The following RBFOX1 variants were observed in gnomAD, a reference collection of about 807,000 sequenced individuals.
RBFOX1 encodes the protein RNA binding protein fox-1 homolog 1.
RBFOX1 carries 8 observed loss-of-function variants against 57.7 expected under a neutral mutation model. That is an observed-to-expected ratio of 0.14 (90% confidence interval 0.08 to 0.25). The LOEUF is 0.25. RBFOX1 is among the 10% of genes least tolerant of loss of function. The probability of loss-of-function intolerance (pLI) is 1.00; values close to 1 mark genes in which losing one functional copy is unlikely to be tolerated. For synonymous variants in RBFOX1, 326 were observed against 222.4 expected (o/e 1.47, Z -4.15); for missense variants, 611 against 548.5 (o/e 1.11, Z -1.14).
intron 3 of RBFOX1, among the ~76,000 whole-genome samples, chr16:6,772,063 A>G (rs77673408): frequency 6.6e-6 from 1 of 152,254 alleles, no homozygotes; most frequent in Non-Finnish European, 1.5e-5. Flanking sequence ...GAGGTGCTGT[A>G]TGATTTCTGT....
At chr16:6,785,389 G>C (rs11864396) in intron 3 of RBFOX1, among the ~76,000 whole-genome samples, 16,792 of 152,170 alleles carry the variant, frequency 0.11, 1,050 homozygotes, top group African/African-American at 0.16. Flanking sequence ...TGGAGTTATT[G>C]TTGCTAAGGA....
Position 7,704,198 on chromosome 16 carries a change from G to C in RBFOX1, c.996-4858G>C, listed in dbSNP as rs183937331. Among the ~76,000 whole-genome samples, 4 of 152,196 alleles carry C rather than the reference G, an allele frequency of 2.6e-5. No individual in the cohort carries two copies. The East Asian group carries it at 7.7e-4, about 29-fold the overall frequency. ...CCAAGTCCTGAATCTCCAAGCCCTC[G>C]GGTTGCTTCCCAGTTTTAACTTGTT... On this transcript the variant is annotated intron_variant, in intron 14 of 15. Coordinates refer to ENST00000550418, the MANE Select transcript of RBFOX1 (RefSeq NM_018723.4).
chr16:7,521,827 A>G (rs1231523841), intron 5 of RBFOX1, among the ~76,000 whole-genome samples: 9 of 152,218 alleles, frequency 5.9e-5, no homozygotes, highest in Non-Finnish European at 1.2e-4. Context: ...TACAATAAAA[A>G]GTCCAGGCGG....
chr16:5,601,125 C>T (rs939964635), downstream of RBFOX1: 2 of 152,216 alleles, frequency 1.3e-5, no homozygotes, highest in East Asian at 1.9e-4. Flanking sequence ...GTGACAGTTA[C>T]ACTGAACTTA....
chr16:5,862,539 C>T (rs114069028), intron 3 of RBFOX1, among the ~76,000 whole-genome samples: 256 of 152,310 alleles, frequency 1.7e-3, no homozygotes, highest in African/African-American at 6.1e-3. Flanking sequence ...AGCAGACAGT[C>T]ACCCACTGCG....
chr16:6,954,683 C>T (rs911698633), intron 3 of RBFOX1, among the ~76,000 whole-genome samples: 1 of 152,014 alleles, frequency 6.6e-6, no homozygotes, highest in Non-Finnish European at 1.5e-5. Flanking sequence ...CATTTAGGGG[C>T]TCTCTTAAGT....
chr16:5,740,684 C>A (rs1294878054), intron 3 of RBFOX1, among the ~76,000 whole-genome samples: 2 of 152,188 alleles, frequency 1.3e-5, no homozygotes, highest in Non-Finnish European at 2.9e-5. Flanking sequence ...CTTGACTCTA[C>A]TTCCCATATC....
intron 1 of RBFOX1, among the ~76,000 whole-genome samples, chr16:6,255,802 A>C (rs1214554105): frequency 6.6e-6 from 1 of 152,072 alleles, no homozygotes; most frequent in Non-Finnish European, 1.5e-5. Context: ...CAAAAAACGA[A>C]ACACCGCATG....
intron 3 of RBFOX1, among the ~76,000 whole-genome samples, chr16:5,801,342 T>TC (rs1165542240): frequency 1.5e-3 from 62 of 40,890 alleles, no homozygotes; most frequent in Non-Finnish European, 2.6e-3. Context: ...TCCCTCTCTC[T>TC]TTTTTTTTTT....
At chr16:6,121,454 C>G (rs2096548606) in intron 1 of RBFOX1, among the ~76,000 whole-genome samples, 2 of 152,214 alleles carry the variant, frequency 1.3e-5, no homozygotes, top group South Asian at 2.1e-4. Context: ...ACCTGCTTCT[C>G]TTCATCTCAG....
At chr16:6,678,253 T>G (rs185915913) in intron 3 of RBFOX1, among the ~76,000 whole-genome samples, 7 of 152,270 alleles carry the variant, frequency 4.6e-5, no homozygotes, top group Non-Finnish European at 8.8e-5. Context: ...TCCTCTCAGG[T>G]AGCTGGGACT....
chr16:7,382,167 G>A (rs1336750791), intron 4 of RBFOX1, among the ~76,000 whole-genome samples: 6 of 152,108 alleles, frequency 3.9e-5, no homozygotes, highest in Non-Finnish European at 8.8e-5. Flanking sequence ...AGTGACAAAA[G>A]CCAATATATC....
At chr16:6,882,037 T>C (rs2063047111) in intron 3 of RBFOX1, among the ~76,000 whole-genome samples, 2 of 152,182 alleles carry the variant, frequency 1.3e-5, no homozygotes, top group South Asian at 4.1e-4. Flanking sequence ...ACTTCATTTC[T>C]GGAAAAATGG....
At chr16:7,249,598 C>A (rs1188445879) in intron 4 of RBFOX1, among the ~76,000 whole-genome samples, 1 of 132,376 alleles carries the variant, frequency 7.6e-6, no homozygotes, top group Non-Finnish European at 1.6e-5. Context: ...AGGCTTCTTT[C>A]TTTAAAAAAA....
At chr16:6,824,654 G>GTTC (rs2091864695) in intron 3 of RBFOX1, among the ~76,000 whole-genome samples, 1 of 152,062 alleles carries the variant, frequency 6.6e-6, no homozygotes, top group Non-Finnish European at 1.5e-5. Flanking sequence ...ATCAAAAGAG[G>GTTC]TTCTTGGATT....
At chr16:6,204,185 C>A (rs1024169226) in intron 1 of RBFOX1, among the ~76,000 whole-genome samples, 1 of 152,116 alleles carries the variant, frequency 6.6e-6, no homozygotes, top group Non-Finnish European at 1.5e-5. Context: ...CTCCCCTACC[C>A]TCACCTCATC....
chr16:7,010,920 C>G (rs902210152), intron 3 of RBFOX1, among the ~76,000 whole-genome samples: 1 of 152,208 alleles, frequency 6.6e-6, no homozygotes. Flanking sequence ...TGATAAAGTT[C>G]TCCCACCAAA....
intron 1 of RBFOX1, among the ~76,000 whole-genome samples, chr16:6,074,769 G>A (rs2095875864): frequency 6.6e-6 from 1 of 152,174 alleles, no homozygotes; most frequent in Admixed American, 6.5e-5. Flanking sequence ...CAGCACAGAA[G>A]CTCAAGCGTC....
intron 4 of RBFOX1, among the ~76,000 whole-genome samples, chr16:7,248,691 A>T (rs907999387): frequency 2.6e-5 from 4 of 152,224 alleles, no homozygotes; most frequent in Admixed American, 2.6e-4. Flanking sequence ...GATAAGCACC[A>T]AGAAAATTAG....
Sources: gnomAD v4.1 joint callset for allele counts (sites outside exome capture counted in the v4.1 genomes callset) on GRCh38, gnomAD v4.1.1 for gene constraint, MANE v1.5 for transcripts, NCBI Gene and HGNC (gene_info 2026-07-23, HGNC 2026-07-21) for gene names.